CHST11: variants seen among roughly 807,000 people sequenced by gnomAD.
The protein encoded by CHST11 is C4S-1.
A neutral mutation model predicts 30.4 loss-of-function variants in CHST11; 9 were observed. That is an observed-to-expected ratio of 0.30 (90% CI 0.18 to 0.52). CHST11 has a LOEUF of 0.52. Ranked by LOEUF, CHST11 falls within the 20% of genes least tolerant of loss-of-function variation. The pLI is 0.97. For missense variants in CHST11, 348 were observed against 460.6 expected (o/e 0.76, Z 2.24); for synonymous variants, 152 against 187.8 (o/e 0.81, Z 1.56).
chr12:104,498,270 G>A (rs999145359), intron 1 of CHST11, among the ~76,000 whole-genome samples: 11 of 152,170 alleles, frequency 7.2e-5, no homozygotes, highest in Admixed American at 3.3e-4. Flanking sequence ...GGGCTGTTAG[G>A]CTTCACCTGT....
intron 2 of CHST11, among the ~76,000 whole-genome samples, chr12:104,660,207 G>C (rs1425073927): frequency 6.6e-6 from 1 of 152,164 alleles, no homozygotes. Context: ...TGTTGATGCT[G>C]TTTTGATTGT....
At chr12:104,579,484 A>T (rs1388502824) in intron 1 of CHST11, among the ~76,000 whole-genome samples, 2 of 152,192 alleles carry the variant, frequency 1.3e-5, no homozygotes, top group African/African-American at 2.4e-5. Flanking sequence ...AAAATGAGGG[A>T]CACTGAAGAT....
intron 1 of CHST11, among the ~76,000 whole-genome samples, chr12:104,499,023 G>A (rs993134093): frequency 6.6e-6 from 1 of 152,184 alleles, no homozygotes; most frequent in Non-Finnish European, 1.5e-5. Flanking sequence ...ACTATTGCCA[G>A]TCCTCATTCT....
chr12:104,627,361 AG>A (rs924449207), intron 2 of CHST11, among the ~76,000 whole-genome samples: 3 of 152,216 alleles, frequency 2.0e-5, no homozygotes, highest in Non-Finnish European at 4.4e-5. Context: ...AATACCAAGG[AG>A]AGTGATTGCT....
intron 1 of CHST11, among the ~76,000 whole-genome samples, chr12:104,505,878 G>T (rs2037899772): frequency 4.6e-5 from 7 of 152,146 alleles, no homozygotes; most frequent in Admixed American, 4.6e-4. Flanking sequence ...AGATGAGGTG[G>T]GAGGTGATTG....
At chr12:104,488,779 A>G (rs2037716470) in intron 1 of CHST11, among the ~76,000 whole-genome samples, 1 of 151,464 alleles carries the variant, frequency 6.6e-6, no homozygotes, top group Non-Finnish European at 1.5e-5. Flanking sequence ...GTGTCTATAC[A>G]CATACCAAGC....
chr12:104,731,407 G>A (rs995284930), intron 2 of CHST11, among the ~76,000 whole-genome samples: 2 of 152,340 alleles, frequency 1.3e-5, no homozygotes, highest in African/African-American at 4.8e-5. Context: ...CTATGCTGCT[G>A]AGACCTAAGA....
At chr12:104,711,782 A>G (rs1470374710) in intron 2 of CHST11, among the ~76,000 whole-genome samples, 4 of 152,370 alleles carry the variant, frequency 2.6e-5, no homozygotes, top group East Asian at 1.9e-4. Context: ...GATGAGTCTT[A>G]CATCTCTGGG....
At chr12:104,642,982 A>AGTAGG (rs1175522618) in intron 2 of CHST11, among the ~76,000 whole-genome samples, 5 of 152,216 alleles carry the variant, frequency 3.3e-5, no homozygotes, top group African/African-American at 9.7e-5. Flanking sequence ...CATACCAATT[A>AGTAGG]GATGCCCACT....
rs901468109 is a variant in CHST11 at position 104,617,424 on chromosome 12, T to C, written c.204+15433T>C. ...GACATTTTTAGGTGTCATCTTACCA[T>C]TCTCCCATCCCCCCTGCATGGCCCC... is the stretch of plus-strand genomic sequence containing the variant. On this transcript the variant is annotated intron_variant, in intron 2 of 2. Transcript: ENST00000303694. 9.2e-5 allele frequency among the ~76,000 whole-genome samples: 14 copies of C among 152,280 alleles called. No individual in the cohort carries two copies. In the East Asian group the frequency reaches 1.5e-3, roughly 17 times the overall value.
intron 2 of CHST11, among the ~76,000 whole-genome samples, chr12:104,679,401 C>A (rs555430321): frequency 1.3e-5 from 2 of 152,254 alleles, no homozygotes; most frequent in Admixed American, 6.5e-5. Context: ...GGCCTGGAAC[C>A]AATTCAGGCC....
intron 1 of CHST11, among the ~76,000 whole-genome samples, chr12:104,541,366 C>T (rs2038286185): frequency 6.6e-6 from 1 of 152,026 alleles, no homozygotes; most frequent in African/African-American, 2.4e-5. Context: ...TATTTCTTCT[C>T]AGAGCCTGCA....
chr12:104,523,020 C>T (rs535483840), intron 1 of CHST11, among the ~76,000 whole-genome samples: 9 of 152,252 alleles, frequency 5.9e-5, no homozygotes, highest in East Asian at 1.9e-4. Context: ...TAAAAATAAT[C>T]GTCTAATAAG....
chr12:104,514,527 T>C (rs2038002342), intron 1 of CHST11: 2 of 549,678 alleles, frequency 3.6e-6, no homozygotes, highest in Non-Finnish European at 6.5e-6. Context: ...ACAACATTTC[T>C]CTAAAAAAAA....
intron 1 of CHST11, among the ~76,000 whole-genome samples, chr12:104,513,813 G>A (rs1200143312): frequency 6.6e-6 from 1 of 152,192 alleles, no homozygotes; most frequent in South Asian, 2.1e-4. Flanking sequence ...TATTGGCAAG[G>A]TTTCGAGACA....
chr12:104,760,529 T>C lies in CHST11; in HGVS notation c.*2726T>C, dbSNP rs1376251604. On this transcript the variant is annotated 3_prime_UTR_variant, in exon 3 of 3. Transcript: ENST00000303694. ...GATCTCTTGATGAGTGCTTCTTCAG[T>C]TTCATAGTTTGGAATCGTTCACTGT... 3 of 152,196 alleles carry C rather than the reference T, an allele frequency of 2.0e-5. No individual in the cohort carries two copies. Among genetic ancestry groups the C allele is most frequent in the African/African-American group, 7.2e-5 (3 of 41,432 alleles). The allele number at this position is 152,196 out of a possible 1,614,324, so 9.4% of individuals were successfully genotyped here. A position where few individuals can be genotyped will look rare whatever the true frequency, so the allele number is the denominator to read the frequency against.
chr12:104,527,005 C>A (rs774062372), intron 1 of CHST11, among the ~76,000 whole-genome samples: 11 of 152,232 alleles, frequency 7.2e-5, no homozygotes, highest in African/African-American at 2.7e-4. Context: ...TCCTCAGCAC[C>A]ACACGGCACT....
chr12:104,488,740 CGTGTGTGTGTGTGT>C (rs56383997), intron 1 of CHST11, among the ~76,000 whole-genome samples: 5 of 145,868 alleles, frequency 3.4e-5, no homozygotes, highest in Middle Eastern at 3.5e-3. Context: ...TATGTGTACG[CGTGTGTGTGTGTGT>C]GTGTGTGTGT....
intron 2 of CHST11, among the ~76,000 whole-genome samples, chr12:104,612,390 ACATGGTGCTC>A (rs1592793453): frequency 6.6e-6 from 1 of 152,304 alleles, no homozygotes; most frequent in East Asian, 1.9e-4. Context: ...CTTCATCTTC[ACATGGTGCTC>A]CCCCTGTGTG....
Sources: allele counts gnomAD v4.1 joint callset (sites outside exome capture counted in the v4.1 genomes callset), GRCh38; gene constraint gnomAD v4.1.1; transcripts MANE v1.5; gene names NCBI Gene and HGNC (gene_info 2026-07-23, HGNC 2026-07-21).